MAGI2: variants seen among roughly 807,000 people sequenced by gnomAD.
MAGI2 encodes membrane-associated guanylate kinase, WW and PDZ domain-containing protein 2.
A neutral mutation model predicts 133.3 loss-of-function variants in MAGI2; 35 were observed. The ratio of observed to expected loss-of-function variants is 0.26; its 90% confidence interval spans 0.20 to 0.35. The LOEUF is 0.35. Ranked by LOEUF, MAGI2 falls within the 10% of genes least tolerant of loss-of-function variation. The pLI is 1.00. For missense variants in MAGI2, 1,636 were observed against 1,863.4 expected, an observed-to-expected ratio of 0.88 and a Z score of 2.25; for synonymous variants, 729 against 710.6, an observed-to-expected ratio of 1.03 and a Z score of -0.41.
chr7:79,073,524 A>T (rs1815187731), intron 1 of MAGI2, among the ~76,000 whole-genome samples: 1 of 152,094 alleles, frequency 6.6e-6, no homozygotes, highest in African/African-American at 2.4e-5. Flanking sequence ...ACATCTCTTG[A>T]ACCTGTCCAC....
chr7:78,939,298 T>C (rs1800786442), intron 2 of MAGI2, among the ~76,000 whole-genome samples: 2 of 152,104 alleles, frequency 1.3e-5, no homozygotes, highest in African/African-American at 4.8e-5. Flanking sequence ...CTGGCCATAA[T>C]GGTGATTTTA....
At chr7:78,476,032 T>C (rs1791714543) in intron 6 of MAGI2, among the ~76,000 whole-genome samples, 1 of 151,920 alleles carries the variant, frequency 6.6e-6, no homozygotes, top group South Asian at 2.1e-4. Flanking sequence ...TTCCCCACTA[T>C]ACTGCTCTTT....
At chr7:79,059,754 G>A (rs1813532995) in intron 1 of MAGI2, among the ~76,000 whole-genome samples, 2 of 152,006 alleles carry the variant, frequency 1.3e-5, no homozygotes, top group Admixed American at 6.6e-5. Flanking sequence ...AATGTAAAGG[G>A]AAATATATTC....
intron 1 of MAGI2, among the ~76,000 whole-genome samples, chr7:79,194,461 G>A (rs1486183819): frequency 6.6e-6 from 1 of 151,822 alleles, no homozygotes; most frequent in Non-Finnish European, 1.5e-5. Flanking sequence ...TGTATACACA[G>A]GGTGTTTTAA....
intron 1 of MAGI2, among the ~76,000 whole-genome samples, chr7:79,371,624 T>C (rs1843058529): frequency 6.6e-6 from 1 of 152,154 alleles, no homozygotes; most frequent in African/African-American, 2.4e-5. Flanking sequence ...TATAATAGCG[T>C]ACATATGTAG....
At chr7:78,670,420 G>A (rs1814229536) in intron 2 of MAGI2, among the ~76,000 whole-genome samples, 1 of 152,180 alleles carries the variant, frequency 6.6e-6, no homozygotes, top group Admixed American at 6.5e-5. Flanking sequence ...TGAAATAAAA[G>A]ACGATACAAA....
intron 9 of MAGI2, among the ~76,000 whole-genome samples, chr7:78,289,360 T>C (rs1205240502): frequency 2.0e-5 from 3 of 152,018 alleles, no homozygotes; most frequent in Non-Finnish European, 4.4e-5. Context: ...GTATCAGTGA[T>C]TGAAGATCAA....
intron 3 of MAGI2, among the ~76,000 whole-genome samples, chr7:78,529,436 A>G (rs1255632255): frequency 6.6e-6 from 1 of 152,190 alleles, no homozygotes; most frequent in East Asian, 1.9e-4. Flanking sequence ...TAAAGAAGTC[A>G]CACATGATTT....
At chr7:78,230,756 T>C (rs1320873264) in intron 10 of MAGI2, among the ~76,000 whole-genome samples, 2 of 152,226 alleles carry the variant, frequency 1.3e-5, no homozygotes, top group Non-Finnish European at 2.9e-5. Context: ...TGGGCATCTT[T>C]TGGTTTCTGT....
chr7:78,711,663 T>G (rs1819204477), intron 2 of MAGI2, among the ~76,000 whole-genome samples: 1 of 152,152 alleles, frequency 6.6e-6, no homozygotes, highest in Admixed American at 6.5e-5. Context: ...TGTAGGATAC[T>G]GTTGCTCTGG....
At chr7:78,584,912 C>T (rs951316245) in intron 3 of MAGI2, among the ~76,000 whole-genome samples, 8 of 152,120 alleles carry the variant, frequency 5.3e-5, no homozygotes, top group African/African-American at 1.9e-4. Flanking sequence ...ATGTACCTCA[C>T]AGGGGTTTTG....
chr7:78,370,693 C>T (rs1198442948), intron 6 of MAGI2, among the ~76,000 whole-genome samples: 2 of 151,798 alleles, frequency 1.3e-5, no homozygotes, highest in African/African-American at 4.8e-5. Context: ...AAATACAGAT[C>T]CACAATTCCT....
Position 79,031,705 on chromosome 7 carries a change from A to G in MAGI2, c.302-24499T>C, listed in dbSNP as rs146154723. Among the ~76,000 whole-genome samples the G allele has an allele frequency of 4.9e-4, 75 of 152,300 alleles. 1 individual carries two copies. The highest frequency in any genetic ancestry group is 2.3e-3 in the South Asian group (11 of 4,828). ...AGTGTTTACTGAATTTGGCTTCCCG[A>G]TGTAAAATGTATATTTAGTTTCTCC... On this transcript the variant is annotated intron_variant, in intron 1 of 21. Transcript: ENST00000354212.
intron 1 of MAGI2, among the ~76,000 whole-genome samples, chr7:79,432,803 G>A (rs12155310): frequency 0.095 from 14,540 of 152,274 alleles, 704 homozygotes; most frequent in African/African-American, 0.12. Context: ...TAAAGGTGGA[G>A]TGTCTTTGAA....
At chr7:79,177,801 C>G (rs562228033) in intron 1 of MAGI2, among the ~76,000 whole-genome samples, 1 of 152,014 alleles carries the variant, frequency 6.6e-6, no homozygotes, top group Non-Finnish European at 1.5e-5. Context: ...TAGTATTACT[C>G]GATGTTCCAT....
intron 1 of MAGI2, among the ~76,000 whole-genome samples, chr7:79,052,059 C>A (rs1812722377): frequency 6.6e-6 from 1 of 151,918 alleles, no homozygotes; most frequent in Non-Finnish European, 1.5e-5. Context: ...AATAGCACAC[C>A]CTCTCTCAGG....
chr7:79,444,617 G>A (rs1848717511), intron 1 of MAGI2, among the ~76,000 whole-genome samples: 2 of 151,778 alleles, frequency 1.3e-5, no homozygotes, highest in Non-Finnish European at 2.9e-5. Flanking sequence ...GGACGTGAAG[G>A]ACCTCTTTAA....
chr7:79,364,729 G>A (rs1842586536), intron 1 of MAGI2, among the ~76,000 whole-genome samples: 2 of 151,750 alleles, frequency 1.3e-5, no homozygotes, highest in South Asian at 2.1e-4. Flanking sequence ...TGAAGGATCT[G>A]GCAAAAAAAC....
At chr7:78,033,756 A>T (rs1364645949) in intron 21 of MAGI2, among the ~76,000 whole-genome samples, 1 of 152,086 alleles carries the variant, frequency 6.6e-6, no homozygotes, top group East Asian at 1.9e-4. Flanking sequence ...TATCCCAGAA[A>T]GTGGGGTCAA....
Sources: allele counts gnomAD v4.1 joint callset (sites outside exome capture counted in the v4.1 genomes callset), GRCh38; gene constraint gnomAD v4.1.1; transcripts MANE v1.5; gene names NCBI Gene and HGNC (gene_info 2026-07-23, HGNC 2026-07-21).